The following COG5 variants were observed in gnomAD, a reference collection of about 807,000 sequenced individuals.
COG5 encodes component of oligomeric golgi complex 5, also known as conserved oligomeric Golgi complex subunit 5.
In COG5, 86 loss-of-function variants were observed where a neutral mutation model predicts 110.4. The observed-to-expected ratio is 0.78, with a 90% CI of 0.65 to 0.93. COG5 has a LOEUF of 0.93. Ranked by LOEUF, COG5 falls within the 40% of genes least tolerant of loss-of-function variation. The pLI is 0.00. For missense variants in COG5, 1,077 were observed against 987.0 expected, an observed-to-expected ratio of 1.09 and a Z score of -1.22; for synonymous variants, 360 against 334.6, an observed-to-expected ratio of 1.08 and a Z score of -0.83.
intron 8 of COG5, among the ~76,000 whole-genome samples, chr7:107,366,075 A>G (rs549395074): frequency 1.4e-3 from 212 of 152,250 alleles, no homozygotes; most frequent in Non-Finnish European, 2.8e-3. Flanking sequence ...TGATAAACAT[A>G]TATCACCAAA....
intron 7 of COG5, among the ~76,000 whole-genome samples, chr7:107,389,332 A>G (rs1790448440): frequency 6.6e-6 from 1 of 150,400 alleles, no homozygotes; most frequent in South Asian, 2.1e-4. Flanking sequence ...ATAATGGCAC[A>G]TATTGGACTA....
chr7:107,517,678 G>C (rs1313490570), intron 6 of COG5, among the ~76,000 whole-genome samples: 1 of 150,656 alleles, frequency 6.6e-6, no homozygotes, highest in Non-Finnish European at 1.5e-5. Context: ...CCAGAAGAGA[G>C]TGGGGGCCAA....
At chr7:107,402,698 G>C (rs1279670211) in intron 7 of COG5, among the ~76,000 whole-genome samples, 1 of 152,196 alleles carries the variant, frequency 6.6e-6, no homozygotes, top group Non-Finnish European at 1.5e-5. Context: ...AGAGAAATGG[G>C]AACCAGGAAG....
intron 19 of COG5, among the ~76,000 whole-genome samples, chr7:107,221,000 G>A (rs556839979): frequency 6.6e-6 from 1 of 151,980 alleles, no homozygotes; most frequent in South Asian, 2.1e-4. Flanking sequence ...ATTTTTAGTA[G>A]AGATGGGGGT....
intron 10 of COG5, among the ~76,000 whole-genome samples, chr7:107,351,412 G>T (rs1052633442): frequency 1.3e-5 from 2 of 152,158 alleles, no homozygotes; most frequent in Non-Finnish European, 2.9e-5. Context: ...AGGACTTCAT[G>T]TCTAAAACAC....
intron 14 of COG5, among the ~76,000 whole-genome samples, chr7:107,262,757 T>C (rs891557346): frequency 1.3e-5 from 2 of 152,158 alleles, no homozygotes; most frequent in Non-Finnish European, 2.9e-5. Flanking sequence ...TTGCTGTATA[T>C]TTCCCTGAAA....
At chr7:107,354,404 T>C (rs957719088) in intron 10 of COG5, among the ~76,000 whole-genome samples, 9 of 152,106 alleles carry the variant, frequency 5.9e-5, no homozygotes, top group African/African-American at 1.9e-4. Flanking sequence ...TAGGGCTGGG[T>C]GTGGTGGCTC....
At chr7:107,447,393 G>A (rs1795069604) in intron 6 of COG5, among the ~76,000 whole-genome samples, 1 of 152,148 alleles carries the variant, frequency 6.6e-6, no homozygotes, top group African/African-American at 2.4e-5. Flanking sequence ...TTAGGAAATA[G>A]GACATGGACA....
At chr7:107,476,921 C>A (rs573626724) in intron 6 of COG5, among the ~76,000 whole-genome samples, 2 of 151,754 alleles carry the variant, frequency 1.3e-5, no homozygotes, top group South Asian at 4.1e-4. Flanking sequence ...AGCTTGAACT[C>A]ACTAAGGTTA....
chr7:107,510,031 C>T (rs554194183), intron 6 of COG5, among the ~76,000 whole-genome samples: 2 of 152,148 alleles, frequency 1.3e-5, no homozygotes, highest in Non-Finnish European at 2.9e-5. Flanking sequence ...AATGACAAGA[C>T]CAAATACACA....
rs149977658 is a variant in COG5 at position 107,202,379 on chromosome 7, T to C, written c.*1137A>G. 57 of 152,780 alleles carry C rather than the reference T, an allele frequency of 3.7e-4. 1 individual carries two copies. The highest frequency in any genetic ancestry group is 4.4e-5 in the Non-Finnish European group (3 of 68,038). 9.5% of individuals were successfully genotyped at this position (152,780 alleles called of 1,614,324 possible). ...GAGCTACAATCATGGCTTTTCATGT[T>C]ACTTACCAAGTGGTGTTTCTGGTTA... On this transcript the variant is annotated 3_prime_UTR_variant, in exon 22 of 22. Transcript: ENST00000297135.
chr7:107,529,024 T>TAAAAAAAA lies in COG5; in HGVS notation c.418-1675_418-1668dup, dbSNP rs58281094. On this transcript the variant is annotated intron_variant, in intron 5 of 21. Coordinates refer to ENST00000297135, the MANE Select transcript of COG5 (RefSeq NM_006348.5). ...GAGAAACTAATCTGAAATACTTAAA[T>TAAAAAAAA]AAAAAAAAAAAAAAAGGAATGCCAA... 1.1e-3 allele frequency among the ~76,000 whole-genome samples: 109 copies of TAAAAAAAA among 97,840 alleles called. 4 individuals are homozygous for TAAAAAAAA. Among genetic ancestry groups the TAAAAAAAA allele is most frequent in the African/African-American group, 3.4e-3 (69 of 20,072 alleles). The allele number at this position is 97,840 out of a possible 152,430, so 64.2% of individuals were successfully genotyped here.
Position 107,447,193 on chromosome 7 carries a change from TC to T in COG5, c.539-34562del, listed in dbSNP as rs1304356150. Among the ~76,000 whole-genome samples the T allele has an allele frequency of 3.3e-5, 5 of 152,244 alleles. No individual in the cohort carries two copies. In the East Asian group the frequency reaches 5.8e-4, roughly 18 times the overall value. On this transcript the variant is annotated intron_variant, in intron 6 of 21. Transcript: ENST00000297135. ...ATTCCTTGGCTCATAGCTCCCTACT[TC>T]CATCTCACGCTTTGAATCTCTCTGA...
In COG5 at chr7:107,355,981, G is replaced by A. The variant is rs191248722; in HGVS notation, c.1026+6052C>T. ...ACACATTAGAGTTTGCTCTTAGCAC[G>A]GTATAGTCCCATGGTTCTTGCATAA... On this transcript the variant is annotated intron_variant, in intron 10 of 21. Transcript: ENST00000297135. 5.5e-4 allele frequency among the ~76,000 whole-genome samples: 84 copies of A among 152,252 alleles called. 3 individuals are homozygous for A. Among genetic ancestry groups the A allele is most frequent in the African/African-American group, 1.7e-3 (71 of 41,546 alleles).
chr7:107,412,690 T>C, intron 6 of COG5, 58 bp from the exon 7 acceptor site: 1 of 1,060,016 alleles, frequency 9.4e-7, no homozygotes, highest in Non-Finnish European at 1.4e-6. Context: ...AATATCAAGG[T>C]ATCAAAATAT....
At chr7:107,415,022 G>T (rs1377062341) in intron 6 of COG5, among the ~76,000 whole-genome samples, 1 of 151,810 alleles carries the variant, frequency 6.6e-6, no homozygotes. Flanking sequence ...CACCATGCCC[G>T]GCCCACTGTC....
chr7:107,415,499 T>C (rs941720624), intron 6 of COG5, among the ~76,000 whole-genome samples: 5 of 151,112 alleles, frequency 3.3e-5, no homozygotes, highest in African/African-American at 9.7e-5. Flanking sequence ...AAAAAGTAAA[T>C]AGAAGTCAAG....
At chr7:107,309,156 A>G (rs747181989) in intron 11 of COG5, among the ~76,000 whole-genome samples, 74 of 152,148 alleles carry the variant, frequency 4.9e-4, no homozygotes, top group Non-Finnish European at 8.4e-4. Context: ...AAAATACATC[A>G]TCACTTCACT....
chr7:107,394,026 A>G (rs1289723960), intron 7 of COG5, among the ~76,000 whole-genome samples: 1 of 151,904 alleles, frequency 6.6e-6, no homozygotes, highest in East Asian at 1.9e-4. Context: ...CAGTGGCACA[A>G]TCTCAGCTCA....
Sources: allele counts gnomAD v4.1 joint callset (sites outside exome capture counted in the v4.1 genomes callset), GRCh38; gene constraint gnomAD v4.1.1; transcripts MANE v1.5; gene names NCBI Gene and HGNC (gene_info 2026-07-23, HGNC 2026-07-21).